The following PTBP3 variants were observed in gnomAD, a reference collection of about 807,000 sequenced individuals.
PTBP3 encodes polypyrimidine tract binding protein 3, also known as polypyrimidine tract-binding protein 3.
In PTBP3, 20 loss-of-function variants were observed where a neutral mutation model predicts 58.7. The ratio of observed to expected loss-of-function variants is 0.34; its 90% CI spans 0.24 to 0.50. The LOEUF is 0.50. Ranked by LOEUF, PTBP3 falls within the 20% of genes least tolerant of loss-of-function variation. PTBP3 has a pLI of 0.98. For synonymous variants in PTBP3, 185 were observed against 219.8 expected (o/e 0.84, Z 1.40); for missense variants, 509 against 637.2 (o/e 0.80, Z 2.17).
intron 2 of PTBP3, among the ~76,000 whole-genome samples, chr9:112,294,267 C>T (rs1828570488): frequency 6.6e-6 from 1 of 152,112 alleles, no homozygotes. Context: ...AATCCCAGCA[C>T]TTTAGGAGGC....
chr9:112,356,796 GCACA>G, the PTBP3 span, among the ~76,000 whole-genome samples: 99 of 62,508 alleles, frequency 1.6e-3, no homozygotes, highest in South Asian at 9.2e-3. Flanking sequence ...TTGCGTGTGC[GCACA>G]CACACACACA....
At chr9:112,334,729 A>ATGT (rs1830532819), upstream of PTBP3, among the ~76,000 whole-genome samples, 1 of 152,160 alleles carries the variant, frequency 6.6e-6, no homozygotes, top group East Asian at 1.9e-4. Context: ...AAAGATCTAA[A>ATGT]CTGTGGACTC....
At chr9:112,246,761 T>C (rs1835895440) in intron 7 of PTBP3, among the ~76,000 whole-genome samples, 1 of 150,734 alleles carries the variant, frequency 6.6e-6, no homozygotes, top group African/African-American at 2.4e-5. Flanking sequence ...ATCATCTCAA[T>C]CAGTAAATTC....
intron 1 of PTBP3, among the ~76,000 whole-genome samples, chr9:112,304,298 T>C (rs1228616164): frequency 2.0e-5 from 3 of 152,228 alleles, no homozygotes; most frequent in African/African-American, 7.2e-5. Flanking sequence ...TGCCTATGCA[T>C]TTGAATTTTT....
chr9:112,272,935 A>C (rs1432186038), intron 3 of PTBP3: 1 of 152,262 alleles, frequency 6.6e-6, no homozygotes, highest in African/African-American at 2.4e-5. Flanking sequence ...AATTTACTGA[A>C]CACAGGAAAT....
intron 1 of PTBP3, among the ~76,000 whole-genome samples, chr9:112,324,839 A>T (rs1339735434): frequency 6.6e-6 from 1 of 152,156 alleles, no homozygotes; most frequent in Non-Finnish European, 1.5e-5. Context: ...GACAACACCC[A>T]GCGTGTTGTC....
At chr9:112,260,073 A>G (rs1313151500) in intron 5 of PTBP3, among the ~76,000 whole-genome samples, 2 of 152,104 alleles carry the variant, frequency 1.3e-5, no homozygotes, top group Admixed American at 6.5e-5. Context: ...ACACCCGGCT[A>G]ATTTTTTATA....
the PTBP3 span, among the ~76,000 whole-genome samples, chr9:112,357,878 T>G: frequency 3.9e-5 from 6 of 152,136 alleles, no homozygotes; most frequent in Non-Finnish European, 8.8e-5. Context: ...CATTTTTGGT[T>G]GACAAAACTG....
the PTBP3 span, among the ~76,000 whole-genome samples, chr9:112,354,632 T>A: frequency 1.3e-5 from 2 of 152,176 alleles, no homozygotes; most frequent in Non-Finnish European, 2.9e-5. Flanking sequence ...AGTAGGAGGA[T>A]GACACCTACA....
At chr9:112,253,758 ACTCT>A (rs1351840106) in intron 5 of PTBP3, among the ~76,000 whole-genome samples, 1 of 151,440 alleles carries the variant, frequency 6.6e-6, no homozygotes, top group South Asian at 2.1e-4. Flanking sequence ...TCCCCTGCGC[ACTCT>A]CTCTCTCCTG....
intron 1 of PTBP3, among the ~76,000 whole-genome samples, chr9:112,308,351 TAAAAAAAAA>T (rs58071863): frequency 1.5e-5 from 2 of 135,096 alleles, no homozygotes; most frequent in Non-Finnish European, 3.2e-5. Flanking sequence ...TCCTTTTATT[TAAAAAAAAA>T]AAAAAAAAAA....
the PTBP3 span, among the ~76,000 whole-genome samples, chr9:112,348,493 A>G: frequency 6.6e-6 from 1 of 152,246 alleles, no homozygotes; most frequent in South Asian, 2.1e-4. Flanking sequence ...GAGCATGTGC[A>G]CAAGTTCGGT....
chr9:112,305,551 C>T (rs766354364), intron 1 of PTBP3, among the ~76,000 whole-genome samples: 20 of 152,296 alleles, frequency 1.3e-4, no homozygotes, highest in African/African-American at 3.9e-4. Context: ...TGTGTCCACT[C>T]GACAACAGTA....
At chr9:112,263,273 C>T (rs1395904002) in intron 4 of PTBP3, among the ~76,000 whole-genome samples, 3 of 152,186 alleles carry the variant, frequency 2.0e-5, no homozygotes, top group Middle Eastern at 3.4e-3. Context: ...TAGTCCATAC[C>T]GATATAAATC....
intron 2 of PTBP3, among the ~76,000 whole-genome samples, chr9:112,280,299 C>A (rs1024596529): frequency 1.4e-4 from 22 of 152,262 alleles, no homozygotes; most frequent in African/African-American, 5.3e-4. Context: ...AGGTAATGCG[C>A]CCACCTTGGC....
chr9:112,237,833 G>A (rs1835494573), intron 7 of PTBP3, among the ~76,000 whole-genome samples: 1 of 152,168 alleles, frequency 6.6e-6, no homozygotes, highest in South Asian at 2.1e-4. Context: ...TACAAGGAAG[G>A]TTTGCTTTGT....
At chr9:112,367,307 T>C in the PTBP3 span, among the ~76,000 whole-genome samples, 1 of 152,244 alleles carries the variant, frequency 6.6e-6, no homozygotes, top group Non-Finnish European at 1.5e-5. Context: ...TTACAGTGAA[T>C]GTTATACTTG....
chr9:112,235,042 C>T (rs921668095), intron 7 of PTBP3, 145 bp from the exon 8 acceptor site: 15 of 636,538 alleles, frequency 2.4e-5, no homozygotes, highest in African/African-American at 3.7e-5. Flanking sequence ...TGATCTTTAA[C>T]GTATAAAAAG....
At chr9:112,257,766 C>T (rs917047112) in intron 5 of PTBP3, among the ~76,000 whole-genome samples, 11 of 152,182 alleles carry the variant, frequency 7.2e-5, no homozygotes, top group African/African-American at 2.6e-4. Flanking sequence ...ATGGCGAAAT[C>T]CCTCCTCCAC....
Sources: allele counts gnomAD v4.1 joint callset (sites outside exome capture counted in the v4.1 genomes callset), GRCh38; gene constraint gnomAD v4.1.1; transcripts MANE v1.5; gene names NCBI Gene and HGNC (gene_info 2026-07-23, HGNC 2026-07-21).